UBE2G2: variants seen among roughly 807,000 people sequenced by gnomAD.
UBE2G2 encodes ubiquitin-conjugating enzyme E2 G2.
Under a neutral mutation model 23.0 loss-of-function variants are expected in UBE2G2, and 10 were observed. The ratio of observed to expected loss-of-function variants is 0.43; its 90% CI spans 0.27 to 0.74. The LOEUF (loss-of-function observed/expected upper bound fraction) is 0.74. Ranked by LOEUF, UBE2G2 falls within the 30% of genes least tolerant of loss-of-function variation. The pLI, the probability that UBE2G2 is intolerant of heterozygous loss-of-function variation, is 0.19. For synonymous variants in UBE2G2, 86 were observed against 81.3 expected, an observed-to-expected ratio of 1.06 and a Z score of -0.31; for missense variants, 150 against 218.3, an observed-to-expected ratio of 0.69 and a Z score of 1.97.
rs372129703 is a variant in UBE2G2 at position 44,782,745 on chromosome 21, A to C, written c.125+5175T>G. On this transcript the variant is annotated intron_variant, in intron 3 of 5. Transcript: ENST00000345496. ...CAACTGGATAACCACATACAAAAGA[A>C]TGAAACAGACTCCCACCTAACTCCA... is the stretch of plus-strand genomic sequence containing the variant. Among the ~76,000 whole-genome samples, 10 of 152,368 alleles carry C rather than the reference A, an allele frequency of 6.6e-5. No individual in the cohort carries two copies. The South Asian group carries it at 1.9e-3, about 28-fold the overall frequency.
chr21:44,795,636 A>T (rs1279430976), intron 1 of UBE2G2, among the ~76,000 whole-genome samples: 1 of 152,010 alleles, frequency 6.6e-6, no homozygotes, highest in Non-Finnish European at 1.5e-5. Context: ...TGTCTCAAAA[A>T]AAAAAAGAAA....
intron 1 of UBE2G2, among the ~76,000 whole-genome samples, chr21:44,791,569 T>C (rs2083045493): frequency 6.6e-6 from 1 of 152,206 alleles, no homozygotes; most frequent in African/African-American, 2.4e-5. Context: ...AACTGACGTT[T>C]GGGAACCTTC....
intron 3 of UBE2G2, among the ~76,000 whole-genome samples, chr21:44,780,460 C>A (rs1262334394): frequency 6.6e-6 from 1 of 152,202 alleles, no homozygotes; most frequent in Non-Finnish European, 1.5e-5. Context: ...ACAAGGAGGA[C>A]ACAAATATAT....
chr21:44,797,606 A>G (rs982286112), intron 1 of UBE2G2, among the ~76,000 whole-genome samples: 1 of 150,984 alleles, frequency 6.6e-6, no homozygotes, highest in Admixed American at 6.6e-5. Context: ...TCCCAGCTAC[A>G]CGGGAGGCTG....
chr21:44,797,585 C>A (rs181371470), intron 1 of UBE2G2, among the ~76,000 whole-genome samples: 8 of 151,760 alleles, frequency 5.3e-5, no homozygotes. Context: ...CATGGTGGCG[C>A]GCGCCTGTAG....
intron 1 of UBE2G2, among the ~76,000 whole-genome samples, chr21:44,792,996 C>T (rs1157158890): frequency 6.6e-6 from 1 of 152,238 alleles, no homozygotes. Context: ...TTGGATTTCA[C>T]AAGCCACACC....
At chr21:44,785,948 C>T (rs1555961914) in intron 3 of UBE2G2, among the ~76,000 whole-genome samples, 1 of 152,226 alleles carries the variant, frequency 6.6e-6, no homozygotes, top group African/African-American at 2.4e-5. Flanking sequence ...TTTAATTTTA[C>T]ACTGTTTATT....
At chr21:44,793,860 TA>T in intron 1 of UBE2G2, among the ~76,000 whole-genome samples, 1 of 152,136 alleles carries the variant, frequency 6.6e-6, no homozygotes, top group East Asian at 1.9e-4. Flanking sequence ...GGACTATTTG[TA>T]AAAACAAAAA....
intron 1 of UBE2G2, among the ~76,000 whole-genome samples, chr21:44,794,133 A>G (rs2083066886): frequency 6.6e-6 from 1 of 152,230 alleles, no homozygotes; most frequent in Non-Finnish European, 1.5e-5. Context: ...GGACACAGGC[A>G]TAGAGGACAG....
At chr21:44,798,347 G>A (rs1318143122) in intron 1 of UBE2G2, among the ~76,000 whole-genome samples, 1 of 152,144 alleles carries the variant, frequency 6.6e-6, no homozygotes, top group East Asian at 1.9e-4. Flanking sequence ...GGTAGTTTCT[G>A]AAAATAAGAC....
chr21:44,788,279 G>GTT (rs1204675481), intron 1 of UBE2G2, among the ~76,000 whole-genome samples, 184 bp from the exon 2 acceptor site: 40 of 121,754 alleles, frequency 3.3e-4, no homozygotes, highest in Non-Finnish European at 5.3e-4. Context: ...ACTACACAAA[G>GTT]TTTTTTTGTT....
At chr21:44,780,186 A>G (rs782242918) in intron 3 of UBE2G2, among the ~76,000 whole-genome samples, 5 of 152,194 alleles carry the variant, frequency 3.3e-5, no homozygotes, top group Non-Finnish European at 4.4e-5. Context: ...GTTATTTGCA[A>G]ATGCTCCGGT....
At position 44,770,259 on chromosome 21, in the gene UBE2G2, A is replaced by G. The variant is rs1601171400; in HGVS notation, c.*1118T>C. The G allele has an allele frequency of 6.6e-6, 1 of 152,192 alleles. No individual in the cohort carries two copies. Among genetic ancestry groups the G allele is most frequent in the African/African-American group, 2.4e-5 (1 of 41,448 alleles). The allele number at this position is 152,192 out of a possible 1,614,324, so 9.4% of individuals were successfully genotyped here. A position where few individuals can be genotyped will look rare whatever the true frequency, so the allele number is the denominator to read the frequency against. On this transcript the variant is annotated 3_prime_UTR_variant, in exon 6 of 6. Transcript: ENST00000345496. ...TAGAATTTCCAGTTTTTAGATTGAAAAAAAAAAATTTTTTCTGTAGATCCA... is the reference window on the plus strand; with the variant it reads ...TAGAATTTCCAGTTTTTAGATTGAAGAAAAAAAATTTTTTCTGTAGATCCA...
At chr21:44,793,203 C>T (rs868984415) in intron 1 of UBE2G2, among the ~76,000 whole-genome samples, 3 of 152,168 alleles carry the variant, frequency 2.0e-5, no homozygotes, top group East Asian at 3.8e-4. Context: ...AGGTGGGGTG[C>T]GGGAGAAACA....
At chr21:44,784,353 C>A (rs782125231) in intron 3 of UBE2G2, among the ~76,000 whole-genome samples, 1 of 152,176 alleles carries the variant, frequency 6.6e-6, no homozygotes, top group South Asian at 2.1e-4. Context: ...TTTACAGCTA[C>A]ATGGCATTAC....
In UBE2G2 at chr21:44,801,733, G is replaced by T; in HGVS notation, c.16C>A (p.Leu6Ile). The change falls in exon 1 of 6, where the codon CTC (leucine) becomes ATC (isoleucine). Residue 6 changes from leucine (L) to isoleucine (I), a missense_variant. By Grantham distance (5) the Leu-to-Ile change is conservative. Coordinates refer to ENST00000345496, the MANE Select transcript of UBE2G2 (RefSeq NM_003343.6). MAGTA[L>I]KRLMAEYKQL... is the part of the protein sequence containing the mutation. ...TTGTACTCGGCCATCAGCCTCTTGAGCGCGGTCCCCGCCATGGCCCCGCAA... is the reference window on the plus strand; with the variant it reads ...TTGTACTCGGCCATCAGCCTCTTGATCGCGGTCCCCGCCATGGCCCCGCAA... 6.6e-7 allele frequency: 1 copy of T among 1,521,488 alleles called. No individual in the cohort carries two copies. The highest frequency in any genetic ancestry group is 2.1e-5 in the Admixed American group (1 of 47,362). The allele number at this position is 1,521,488 out of a possible 1,614,324, so 94.2% of individuals were successfully genotyped here. A position where few individuals can be genotyped will look rare whatever the true frequency, so the allele number is the denominator to read the frequency against.
At position 44,771,502 on chromosome 21, in the gene UBE2G2, G is replaced by A. The variant is rs781802608; in HGVS notation, c.386-13C>T. 3 of 1,608,778 alleles carry A rather than the reference G, an allele frequency of 1.9e-6. No homozygotes were observed. The Admixed American group carries it at 5.0e-5, about 27-fold the overall frequency. ...TCGTCATTGGGCTCTGAAAGAAAAGGGAACACCCTCCATGTAAAAGGGAGT... is the reference window on the plus strand; with the variant it reads ...TCGTCATTGGGCTCTGAAAGAAAAGAGAACACCCTCCATGTAAAAGGGAGT... On this transcript the variant is annotated splice_polypyrimidine_tract_variant and intron_variant, in intron 5 of 5. Transcript: ENST00000345496. This position sits in a 1 kb window ranked among gnomAD's most constrained non-coding sequence, Gnocchi z 4.6.
chr21:44,774,452 C>A (rs1276660840), intron 4 of UBE2G2: 13 of 233,930 alleles, frequency 5.6e-5, no homozygotes, highest in Non-Finnish European at 9.4e-5. Context: ...AATTATAAAG[C>A]CATTAAAGTT....
chr21:44,798,411 G>A (rs1261736420), intron 1 of UBE2G2, among the ~76,000 whole-genome samples: 1 of 152,218 alleles, frequency 6.6e-6, no homozygotes, highest in African/African-American at 2.4e-5. Context: ...AGATTGCTCT[G>A]TAGTCTGTGA....
Sources: gnomAD v4.1 joint callset for allele counts (sites outside exome capture counted in the v4.1 genomes callset) on GRCh38, gnomAD v4.1.1 for gene constraint, Gnocchi (gnomAD v3.1) non-coding constraint, MANE v1.5 for transcripts, NCBI Gene and HGNC (gene_info 2026-07-23, HGNC 2026-07-21) for gene names.